The following LRIF1 variants were observed in gnomAD, a reference collection of about 807,000 sequenced individuals.
LRIF1 encodes the protein ligand dependent nuclear receptor interacting factor 1.
Under a neutral mutation model 52.7 loss-of-function variants are expected in LRIF1, and 32 were observed. The ratio of observed to expected loss-of-function variants is 0.61; its 90% CI spans 0.46 to 0.82. The LOEUF (loss-of-function observed/expected upper bound fraction) is 0.82, where lower values mean the gene tolerates loss of function less well. Among genes scored for constraint, LRIF1 ranks in the 40% least tolerant of loss-of-function variants. The pLI is 0.00. For synonymous variants in LRIF1, 323 were observed against 317.4 expected, an observed-to-expected ratio of 1.02 and a Z score of -0.19; for missense variants, 887 against 892.0, an observed-to-expected ratio of 0.99 and a Z score of 0.07.
chr1:110,940,876 T>G, the LRIF1 span: 1 of 151,972 alleles, frequency 6.6e-6, no homozygotes, highest in Non-Finnish European at 1.5e-5. Flanking sequence ...AATGGATACA[T>G]AAAAATAGAA....
At chr1:110,919,847 GAAC>G in the LRIF1 span, among the ~76,000 whole-genome samples, 1 of 152,112 alleles carries the variant, frequency 6.6e-6, no homozygotes, top group African/African-American at 2.4e-5. Context: ...TCTTAAAACT[GAAC>G]AATAAGAAAA....
At chr1:110,955,973 C>A (rs1222788051) in intron 1 of LRIF1, among the ~76,000 whole-genome samples, 1 of 152,152 alleles carries the variant, frequency 6.6e-6, no homozygotes, top group African/African-American at 2.4e-5. Context: ...AGACCTATCT[C>A]CTTCCATTGC....
chr1:110,949,353 C>T (rs1463346540), intron 3 of LRIF1, among the ~76,000 whole-genome samples: 2 of 151,102 alleles, frequency 1.3e-5, no homozygotes, highest in African/African-American at 4.9e-5. Flanking sequence ...CTCTTGACCT[C>T]GTGATCCGCC....
chr1:110,892,265 G>C, the LRIF1 span: 1 of 986,570 alleles, frequency 1.0e-6, no homozygotes, highest in South Asian at 1.3e-5. Context: ...AAGTGATTCT[G>C]ATCTCAAGGA....
Position 110,948,084 on chromosome 1 carries a change from A to C in LRIF1, c.2185T>G (p.Phe729Val), listed in dbSNP as rs771030930. ...TCTAACTCCGGTGGTGTCACTGGGAAAATATCTTCGGTATAATTTTTATTG... is the reference window on the plus strand; with the variant it reads ...TCTAACTCCGGTGGTGTCACTGGGACAATATCTTCGGTATAATTTTTATTG... ...FFNKNYTEDIFPVTPPELEET... is the reference protein window; with the variant it reads ...FFNKNYTEDIVPVTPPELEET... Residue 729 changes from phenylalanine to valine, a missense_variant, in exon 4 of 4, where the codon TTC becomes GTC. Phe to Val is a conservative substitution (Grantham distance 50, BLOSUM62 -1). Transcript: ENST00000369763. 2 of 1,614,064 alleles carry C rather than the reference A, an allele frequency of 1.2e-6. No individual in the cohort carries two copies. The highest frequency in any genetic ancestry group is 2.2e-5 in the South Asian group (2 of 91,072).
chr1:110,910,292 C>A, the LRIF1 span, among the ~76,000 whole-genome samples: 20 of 134,474 alleles, frequency 1.5e-4, no homozygotes, highest in South Asian at 4.8e-4. Context: ...AAGCAATTCT[C>A]AAAAAAAAAA....
chr1:110,895,148 A>T, the LRIF1 span: 1 of 912,128 alleles, frequency 1.1e-6, no homozygotes, highest in Admixed American at 1.8e-5. Context: ...GAAGTTTCAG[A>T]ATCTAAGGTC....
intron 2 of LRIF1, among the ~76,000 whole-genome samples, chr1:110,950,364 A>G (rs1193381369): frequency 6.6e-6 from 1 of 152,194 alleles, no homozygotes; most frequent in Non-Finnish European, 1.5e-5. Context: ...ATAAGTAGTC[A>G]ATTCTAAAAC....
chr1:110,949,621 T>C (rs1658375737), intron 3 of LRIF1, among the ~76,000 whole-genome samples: 1 of 151,764 alleles, frequency 6.6e-6, no homozygotes, highest in African/African-American at 2.4e-5. Context: ...GGTTTCATCA[T>C]GTTGGTCAGG....
chr1:110,927,982 A>G, the LRIF1 span, among the ~76,000 whole-genome samples: 2 of 152,208 alleles, frequency 1.3e-5, no homozygotes, highest in Non-Finnish European at 2.9e-5. Flanking sequence ...GTGCATGTGT[A>G]GAAAATCCTT....
chr1:110,956,228 G>T (rs1658692918), intron 1 of LRIF1, among the ~76,000 whole-genome samples: 1 of 152,170 alleles, frequency 6.6e-6, no homozygotes, highest in African/African-American at 2.4e-5. Context: ...ATGGCATGGG[G>T]AGACAGGTAG....
At chr1:110,959,954 C>T (rs575229670) in intron 1 of LRIF1, among the ~76,000 whole-genome samples, 2 of 151,866 alleles carry the variant, frequency 1.3e-5, no homozygotes, top group East Asian at 3.9e-4. Flanking sequence ...AAATCCTTTT[C>T]TTACTATCTA....
the LRIF1 span, among the ~76,000 whole-genome samples, chr1:110,907,221 A>C: frequency 6.6e-6 from 1 of 152,184 alleles, no homozygotes; most frequent in Non-Finnish European, 1.5e-5. Context: ...TCCAGCCAAA[A>C]CCTGGTGATA....
the LRIF1 span, chr1:110,938,509 C>A: frequency 1.3e-5 from 2 of 152,126 alleles, no homozygotes; most frequent in African/African-American, 2.4e-5. Flanking sequence ...AATTCAACAT[C>A]TTTCATGACA....
chr1:110,952,137 A>G lies in LRIF1; in HGVS notation c.747T>C (p.Ile249=). ...KNVVTKNFQN[I]YPKPVTEIAK... ...CTATTTCTGTAACAGGTTTTGGGTA[A>G]ATGTTTTGAAAGTTCTTGGTAACTA... is the stretch of plus-strand genomic sequence containing the variant. Residue 249 remains isoleucine, a synonymous_variant, in exon 2 of 4, where the codon ATT becomes ATC. Transcript: ENST00000369763. 2 of 1,614,048 alleles carry G rather than the reference A, an allele frequency of 1.2e-6. No homozygotes were observed. Among genetic ancestry groups the G allele is most frequent in the Middle Eastern group, 1.6e-4 (1 of 6,062 alleles).
chr1:110,887,126 C>T, the LRIF1 span, among the ~76,000 whole-genome samples: 8 of 151,708 alleles, frequency 5.3e-5, no homozygotes, highest in South Asian at 2.1e-4. Flanking sequence ...TGCAGTGGCG[C>T]GATCTCGGCT....
At chr1:110,932,871 G>A in the LRIF1 span, among the ~76,000 whole-genome samples, 1 of 152,006 alleles carries the variant, frequency 6.6e-6, no homozygotes, top group Non-Finnish European at 1.5e-5. Context: ...ATTATTAATT[G>A]GAATTCAACT....
chr1:110,921,432 C>A, the LRIF1 span, among the ~76,000 whole-genome samples: 2 of 151,904 alleles, frequency 1.3e-5, no homozygotes, highest in East Asian at 3.8e-4. Flanking sequence ...TCAATGGAAA[C>A]ACCAAATGTA....
At chr1:110,899,459 G>A in the LRIF1 span, 1 of 352,896 alleles carries the variant, frequency 2.8e-6, no homozygotes, top group Non-Finnish European at 5.3e-6. Context: ...TTAGACAAGA[G>A]AGGCAAAGAC....
Sources: gnomAD v4.1 joint callset for allele counts (sites outside exome capture counted in the v4.1 genomes callset) on GRCh38, gnomAD v4.1.1 for gene constraint, MANE v1.5 for transcripts, NCBI Gene and HGNC (gene_info 2026-07-23, HGNC 2026-07-21) for gene names.